Variants in DGKB observed in about 807,000 individuals in gnomAD.
DGKB encodes the protein diacylglycerol kinase beta.
Under a neutral mutation model 114.3 loss-of-function variants are expected in DGKB, and 67 were observed. The ratio of observed to expected loss-of-function variants is 0.59; its 90% CI spans 0.48 to 0.72. The LOEUF (loss-of-function observed/expected upper bound fraction) is 0.72, where lower values mean the gene tolerates loss of function less well. Among genes scored for constraint, DGKB ranks in the 30% least tolerant of loss-of-function variants. The pLI is 0.00. For synonymous variants in DGKB, 398 were observed against 323.1 expected, an observed-to-expected ratio of 1.23 and a Z score of -2.49; for missense variants, 907 against 975.2, an observed-to-expected ratio of 0.93 and a Z score of 0.93.
chr7:14,473,497 ATG>A (rs1781721821), intron 21 of DGKB, among the ~76,000 whole-genome samples: 1 of 152,180 alleles, frequency 6.6e-6, no homozygotes. Context: ...AGGAAGGGAA[ATG>A]TGGGGTCAGA....
chr7:14,162,904 A>G (rs1471449151), intron 25 of DGKB, among the ~76,000 whole-genome samples: 1 of 152,204 alleles, frequency 6.6e-6, no homozygotes, highest in Non-Finnish European at 1.5e-5. Flanking sequence ...AGTATGATCC[A>G]TTTCCCCTTT....
rs115181398 is a variant in DGKB at position 14,351,120 on chromosome 7, T to C, written c.1836-5729A>G. On this transcript the variant is annotated intron_variant, in intron 21 of 25. Transcript: ENST00000402815. ...CTGGTTAATGGGAAAGGTTGACTTA[T>C]AGTAATACTGCAGAGTAAGTGTTTA... is the stretch of plus-strand genomic sequence containing the variant. Among the ~76,000 whole-genome samples the C allele has an allele frequency of 9.7e-4, 148 of 152,306 alleles. 1 individual carries two copies. Among genetic ancestry groups the C allele is most frequent in the African/African-American group, 3.4e-3 (141 of 41,562 alleles).
At chr7:14,170,017 C>T (rs1780628333) in intron 25 of DGKB, among the ~76,000 whole-genome samples, 2 of 151,186 alleles carry the variant, frequency 1.3e-5, no homozygotes, top group Non-Finnish European at 2.9e-5. Context: ...GCCTGTAATC[C>T]CAGCTACTTG....
chr7:14,275,351 A>G (rs1798848045), intron 23 of DGKB, among the ~76,000 whole-genome samples: 1 of 152,190 alleles, frequency 6.6e-6, no homozygotes, highest in African/African-American at 2.4e-5. Flanking sequence ...TCTTGAAATA[A>G]TATTGGATTA....
intron 13 of DGKB, among the ~76,000 whole-genome samples, chr7:14,635,032 G>T (rs370233565): frequency 1.3e-5 from 2 of 151,498 alleles, no homozygotes; most frequent in East Asian, 3.9e-4. Flanking sequence ...CAAAAATTCT[G>T]ATATGTCTAA....
chr7:14,179,895 A>C (rs1363640188), intron 23 of DGKB, among the ~76,000 whole-genome samples: 2 of 152,184 alleles, frequency 1.3e-5, no homozygotes, highest in Non-Finnish European at 2.9e-5. Context: ...CTTATTTCTC[A>C]TGAAACTTAT....
At chr7:14,597,864 AT>A (rs1443908714) in intron 17 of DGKB, among the ~76,000 whole-genome samples, 3 of 152,122 alleles carry the variant, frequency 2.0e-5, no homozygotes, top group Non-Finnish European at 4.4e-5. Flanking sequence ...AAGCAATATA[AT>A]TATGGCTTTT....
At chr7:14,404,497 T>C (rs944287817) in intron 21 of DGKB, among the ~76,000 whole-genome samples, 48 of 152,024 alleles carry the variant, frequency 3.2e-4, no homozygotes, top group African/African-American at 1.0e-3. Flanking sequence ...CTATACACTG[T>C]TCCTTAAAAC....
intron 2 of DGKB, among the ~76,000 whole-genome samples, chr7:14,785,567 A>T (rs1839766656): frequency 6.6e-6 from 1 of 152,220 alleles, no homozygotes; most frequent in South Asian, 2.1e-4. Flanking sequence ...GAACTGAAAG[A>T]GACAGAGGAT....
chr7:14,936,591 G>A (rs946339705), intron 1 of DGKB, among the ~76,000 whole-genome samples: 6 of 152,144 alleles, frequency 3.9e-5, no homozygotes, highest in Non-Finnish European at 8.8e-5. Flanking sequence ...AAGCAGGAAA[G>A]GAAGGAAAAA....
intron 20 of DGKB, among the ~76,000 whole-genome samples, chr7:14,573,731 C>T (rs1347406108): frequency 6.6e-6 from 1 of 151,802 alleles, no homozygotes; most frequent in East Asian, 1.9e-4. Context: ...AAAAGCCAGC[C>T]TTCTGACTTA....
At chr7:14,660,214 C>T (rs1816749992) in intron 13 of DGKB, among the ~76,000 whole-genome samples, 1 of 151,826 alleles carries the variant, frequency 6.6e-6, no homozygotes, top group African/African-American at 2.4e-5. Context: ...TGTGTCTCTG[C>T]CCGGCTTTGG....
At chr7:14,317,291 T>G (rs1287344278) in intron 23 of DGKB, among the ~76,000 whole-genome samples, 2 of 98,826 alleles carry the variant, frequency 2.0e-5, no homozygotes, top group South Asian at 8.9e-4. Context: ...CCAGGGCAAT[T>G]AGGCAGGAGA....
chr7:14,698,479 A>T (rs1378862409), intron 7 of DGKB, among the ~76,000 whole-genome samples: 1 of 152,138 alleles, frequency 6.6e-6, no homozygotes, highest in African/African-American at 2.4e-5. Context: ...ACATACTGTC[A>T]CATGTGATTT....
At chr7:14,495,935 A>G (rs1051791525) in intron 20 of DGKB, among the ~76,000 whole-genome samples, 1 of 151,806 alleles carries the variant, frequency 6.6e-6, no homozygotes, top group Non-Finnish European at 1.5e-5. Flanking sequence ...AAAAAAAGAG[A>G]CAAGCTTCAG....
intron 2 of DGKB, among the ~76,000 whole-genome samples, chr7:14,807,643 A>T (rs1464062577): frequency 1.3e-5 from 2 of 152,042 alleles, no homozygotes; most frequent in Admixed American, 1.3e-4. Context: ...AGATTTGAAC[A>T]TATAGTCCTG....
At chr7:14,371,529 A>T (rs1817649476) in intron 21 of DGKB, among the ~76,000 whole-genome samples, 1 of 151,974 alleles carries the variant, frequency 6.6e-6, no homozygotes. Context: ...TTTACTTGTT[A>T]AATTGTTTTG....
intron 2 of DGKB, among the ~76,000 whole-genome samples, chr7:14,828,834 T>C (rs1347150199): frequency 6.6e-6 from 1 of 152,088 alleles, no homozygotes; most frequent in African/African-American, 2.4e-5. Flanking sequence ...CAGTGATTAT[T>C]GACATAACAC....
intron 1 of DGKB, among the ~76,000 whole-genome samples, chr7:14,875,717 A>G (rs1253285471): frequency 6.6e-6 from 1 of 152,164 alleles, no homozygotes; most frequent in Non-Finnish European, 1.5e-5. Flanking sequence ...GGATAAAACA[A>G]GCTTTTCTAA....
Sources: gnomAD v4.1 joint callset for allele counts (sites outside exome capture counted in the v4.1 genomes callset) on GRCh38, gnomAD v4.1.1 for gene constraint, MANE v1.5 for transcripts, NCBI Gene and HGNC (gene_info 2026-07-23, HGNC 2026-07-21) for gene names.